The following MCTP2 variants were observed in gnomAD, a reference collection of about 807,000 sequenced individuals.
The protein encoded by MCTP2 is multiple C2 and transmembrane domain-containing protein 2.
Under a neutral mutation model 111.6 loss-of-function variants are expected in MCTP2, and 132 were observed. The ratio of observed to expected loss-of-function variants is 1.18; its 90% CI spans 1.03 to 1.37. The LOEUF is 1.37. MCTP2 is among the 40% of genes most tolerant of loss of function. MCTP2 has a pLI of 0.00. For synonymous variants in MCTP2, 395 were observed against 387.7 expected (o/e 1.02, Z -0.22); for missense variants, 1,183 against 1,067.9 (o/e 1.11, Z -1.50).
chr15:94,320,465 C>G (rs771369090), intron 4 of MCTP2, among the ~76,000 whole-genome samples: 12 of 152,108 alleles, frequency 7.9e-5, no homozygotes, highest in Admixed American at 2.6e-4. Context: ...TTTGTATGCC[C>G]TCCTGTGCTA....
intron 1 of MCTP2, among the ~76,000 whole-genome samples, chr15:94,259,195 A>G (rs561240650): frequency 2.6e-5 from 4 of 152,166 alleles, no homozygotes; most frequent in Non-Finnish European, 5.9e-5. Flanking sequence ...ACACACCATT[A>G]GTACTCATAC....
In MCTP2 at chr15:94,390,090, GTATATATATATATATATATA is replaced by G. The variant is rs1168909587; in HGVS notation, c.1788+4569_1788+4588del. The stretch of plus-strand genomic sequence containing the variant: ...TATATATATATATATATATATATAT[GTATATATATATATATATATA>G]TATGTATATATATATATATATACTT... On this transcript the variant is annotated intron_variant, in intron 14 of 22. Transcript: ENST00000357742. Among the ~76,000 whole-genome samples the G allele has an allele frequency of 2.1e-3, 136 of 64,916 alleles. 1 individual carries two copies. The highest frequency in any genetic ancestry group is 8.9e-3 in the Middle Eastern group (1 of 112). 42.6% of individuals were successfully genotyped at this position (64,916 alleles called of 152,430 possible). A position where few individuals can be genotyped will look rare whatever the true frequency, so the allele number is the denominator to read the frequency against.
intron 1 of MCTP2, among the ~76,000 whole-genome samples, chr15:94,243,695 A>C (rs1567253318): frequency 7.1e-6 from 1 of 141,702 alleles, no homozygotes; most frequent in African/African-American, 2.7e-5. Context: ...ACACATACAT[A>C]TGCGTATATA....
At chr15:94,297,681 C>A (rs907942698) in intron 1 of MCTP2, among the ~76,000 whole-genome samples, 1 of 152,174 alleles carries the variant, frequency 6.6e-6, no homozygotes, top group Non-Finnish European at 1.5e-5. Flanking sequence ...TTTAGGTATT[C>A]TGTCTGTCTC....
intron 17 of MCTP2, among the ~76,000 whole-genome samples, chr15:94,429,184 G>A (rs2083039711): frequency 6.6e-6 from 1 of 151,012 alleles, no homozygotes; most frequent in Non-Finnish European, 1.5e-5. Context: ...AGCTATGGAT[G>A]ACCTGAATTG....
At chr15:94,467,288 C>T (rs922367912) in intron 20 of MCTP2, among the ~76,000 whole-genome samples, 1 of 151,938 alleles carries the variant, frequency 6.6e-6, no homozygotes, top group African/African-American at 2.4e-5. Flanking sequence ...GGTTTTGTTG[C>T]CACCTAGCTA....
At chr15:94,419,402 AG>A (rs1403113966) in intron 17 of MCTP2, among the ~76,000 whole-genome samples, 1 of 152,156 alleles carries the variant, frequency 6.6e-6, no homozygotes, top group African/African-American at 2.4e-5. Flanking sequence ...TGGTACCGAG[AG>A]CATGACTTAG....
Position 94,313,911 on chromosome 15 carries a change from G to A in MCTP2, c.466-371G>A, listed in dbSNP as rs190958686. 1.9e-3 allele frequency among the ~76,000 whole-genome samples: 287 copies of A among 152,290 alleles called. 3 individuals are homozygous for A. Among genetic ancestry groups the A allele is most frequent in the African/African-American group, 6.6e-3 (276 of 41,568 alleles). On this transcript the variant is annotated intron_variant, in intron 2 of 22. Coordinates refer to ENST00000357742, the MANE Select transcript of MCTP2 (RefSeq NM_001385001.1). Reference sequence around the variant, plus strand: ...CGATTCTCTGGATCCTGAGCTGCTCGTTTCACATCGGAGGCTGGGGGCCGG... The same window carrying A: ...CGATTCTCTGGATCCTGAGCTGCTCATTTCACATCGGAGGCTGGGGGCCGG...
chr15:94,443,074 G>A (rs2083881840), intron 19 of MCTP2, 114 bp downstream of exon 19: 3 of 685,860 alleles, frequency 4.4e-6, no homozygotes, highest in African/African-American at 1.9e-5. Flanking sequence ...TAATATGATA[G>A]AGTTACCAGT....
chr15:94,317,814 C>T (rs765674849), intron 4 of MCTP2, among the ~76,000 whole-genome samples: 2 of 152,024 alleles, frequency 1.3e-5, no homozygotes, highest in Non-Finnish European at 2.9e-5. Context: ...CTCTCTTGCT[C>T]ATGTTTTCTC....
In MCTP2 at chr15:94,479,349, G is replaced by T. The variant is rs950128653; in HGVS notation, c.*315G>T. On this transcript the variant is annotated 3_prime_UTR_variant, in exon 23 of 23. Transcript: ENST00000357742. ...CTGAACACCACCTTCCTTGAGAACA[G>T]CCAGGAGCCCACTTGGATTCAAGAG... is the stretch of plus-strand genomic sequence containing the variant. The T allele has an allele frequency of 1.1e-5, 4 of 360,494 alleles. No individual in the cohort carries two copies. Among genetic ancestry groups the T allele is most frequent in the Non-Finnish European group, 2.0e-5 (4 of 195,308 alleles). The allele number at this position is 360,494 out of a possible 1,614,324, so 22.3% of individuals were successfully genotyped here.
chr15:94,426,472 T>C (rs1237902777), intron 17 of MCTP2, among the ~76,000 whole-genome samples: 1 of 152,140 alleles, frequency 6.6e-6, no homozygotes, highest in Non-Finnish European at 1.5e-5. Flanking sequence ...TCACAAATTC[T>C]CTCTTTTGCT....
chr15:94,273,556 GC>G (rs2074027560), intron 1 of MCTP2: 3 of 199,974 alleles, frequency 1.5e-5, no homozygotes, highest in Admixed American at 4.9e-5. Context: ...TCACTTCAAT[GC>G]CCCCTCGCAG....
At chr15:94,277,627 A>G (rs1184081139) in intron 1 of MCTP2, among the ~76,000 whole-genome samples, 1 of 152,176 alleles carries the variant, frequency 6.6e-6, no homozygotes, top group African/African-American at 2.4e-5. Context: ...ACAGAACTAT[A>G]GAGACTATAA....
rs527339223 is a variant in MCTP2, at chr15:94,465,799, T to A, written c.2361-4534T>A. Among the ~76,000 whole-genome samples, 616 of 133,220 alleles carry A rather than the reference T, an allele frequency of 4.6e-3. 2 individuals carry two copies. Among genetic ancestry groups the A allele is most frequent in the Non-Finnish European group, 5.8e-3 (349 of 59,808 alleles). 87.4% of individuals were successfully genotyped at this position (133,220 alleles called of 152,430 possible). A position where few individuals can be genotyped will look rare whatever the true frequency, so the allele number is the denominator to read the frequency against. Reference sequence around the variant, plus strand: ...TATTTCTTCTGTATCTTTCCTCCACTTGCTAGGAATTGAAACACTCTTGCT... The same window carrying A: ...TATTTCTTCTGTATCTTTCCTCCACATGCTAGGAATTGAAACACTCTTGCT... On this transcript the variant is annotated intron_variant, in intron 20 of 22. Coordinates refer to ENST00000357742, the MANE Select transcript of MCTP2 (RefSeq NM_001385001.1).
chr15:94,307,880 C>CA (rs2075960043), intron 2 of MCTP2, among the ~76,000 whole-genome samples: 1 of 152,098 alleles, frequency 6.6e-6, no homozygotes, highest in Non-Finnish European at 1.5e-5. Flanking sequence ...GAAAGGGACT[C>CA]AGATTGCTCA....
At chr15:94,423,958 A>C (rs1320856698) in intron 17 of MCTP2, among the ~76,000 whole-genome samples, 1 of 152,196 alleles carries the variant, frequency 6.6e-6, no homozygotes, top group South Asian at 2.1e-4. Flanking sequence ...CATTTTTTGA[A>C]GTTCTTTCTC....
At chr15:94,317,485 T>G (rs368148727) in intron 4 of MCTP2, among the ~76,000 whole-genome samples, 14 of 152,218 alleles carry the variant, frequency 9.2e-5, no homozygotes, top group South Asian at 2.1e-4. Context: ...TTCAGGTGCC[T>G]TTGCCGGGCA....
intron 2 of MCTP2, among the ~76,000 whole-genome samples, chr15:94,309,146 T>C (rs1179973176): frequency 1.3e-5 from 2 of 152,240 alleles, no homozygotes; most frequent in African/African-American, 4.8e-5. Context: ...CTTCCAGTTT[T>C]GACCTCTCAT....
Sources: allele counts gnomAD v4.1 joint callset (sites outside exome capture counted in the v4.1 genomes callset), GRCh38; gene constraint gnomAD v4.1.1; transcripts MANE v1.5; gene names NCBI Gene and HGNC (gene_info 2026-07-23, HGNC 2026-07-21).